ADIPOR1: variants seen among roughly 807,000 people sequenced by gnomAD.
ADIPOR1 encodes the protein adiponectin receptor protein 1.
A neutral mutation model predicts 37.5 loss-of-function variants in ADIPOR1; 15 were observed. That is an observed-to-expected ratio of 0.40 (90% confidence interval 0.27 to 0.62). The LOEUF (loss-of-function observed/expected upper bound fraction) is 0.62, where lower values mean the gene tolerates loss of function less well. Among genes scored for constraint, ADIPOR1 ranks in the 20% least tolerant of loss-of-function variants. The pLI, the probability that ADIPOR1 is intolerant of heterozygous loss-of-function variation, is 0.42. For missense variants in ADIPOR1, 286 were observed against 478.0 expected (o/e 0.60, Z 3.75); for synonymous variants, 173 against 173.2 (o/e 1.00, Z 0.01).
chr1:202,946,301 G>A (rs916245165), intron 4 of ADIPOR1, 138 bp downstream of exon 4: 13 of 1,026,314 alleles, frequency 1.3e-5, no homozygotes, highest in African/African-American at 1.1e-4. Flanking sequence ...GTCAACCAAG[G>A]TTATTAGCTT....
At chr1:202,949,898 C>G (rs1654497361) in intron 2 of ADIPOR1, among the ~76,000 whole-genome samples, 1 of 152,166 alleles carries the variant, frequency 6.6e-6, no homozygotes, top group Non-Finnish European at 1.5e-5. Flanking sequence ...TCCACTGCAG[C>G]TGAATATAGT....
At chr1:202,955,007 TATAG>T (rs917684891) in intron 1 of ADIPOR1, among the ~76,000 whole-genome samples, 1 of 152,134 alleles carries the variant, frequency 6.6e-6, no homozygotes, top group Non-Finnish European at 1.5e-5. Flanking sequence ...AGTCTAGCAG[TATAG>T]ATAAAGAATA....
At chr1:202,949,593 A>AAAAACAAAAAC (rs1654483219) in intron 2 of ADIPOR1, among the ~76,000 whole-genome samples, 3 of 138,334 alleles carry the variant, frequency 2.2e-5, no homozygotes, top group East Asian at 2.4e-4. Flanking sequence ...AAAAAAAAAA[A>AAAAACAAAAAC]AAAACACACC....
chr1:202,957,306 G>T (rs182375403), intron 1 of ADIPOR1, among the ~76,000 whole-genome samples: 1 of 152,086 alleles, frequency 6.6e-6, no homozygotes, highest in Admixed American at 6.5e-5. Flanking sequence ...TGTATTCTCC[G>T]CTGTATTTTC....
chr1:202,941,460 CT>C lies in ADIPOR1; in HGVS notation c.*112del, dbSNP rs375885393. 1,145 of 1,377,714 alleles carry C rather than the reference CT, an allele frequency of 8.3e-4. 19 individuals carry two copies. The South Asian group carries it at 0.015, about 18-fold the overall frequency. 85.3% of individuals were successfully genotyped at this position (1,377,714 alleles called of 1,614,324 possible). A position where few individuals can be genotyped will look rare whatever the true frequency, so the allele number is the denominator to read the frequency against. On this transcript the variant is annotated 3_prime_UTR_variant, in exon 8 of 8. Transcript: ENST00000340990. ...TGAAGCTTGGTTGGTACTGAATTCT[CT>C]AAGAGGTTTCTTCTAGAAACAGACA...
At chr1:202,952,295 A>G (rs916105527) in intron 1 of ADIPOR1, among the ~76,000 whole-genome samples, 2 of 152,198 alleles carry the variant, frequency 1.3e-5, no homozygotes, top group Non-Finnish European at 2.9e-5. Context: ...ATTGCAATGC[A>G]GGGAGGGCCA....
chr1:202,957,352 T>C (rs1450961097), intron 1 of ADIPOR1, among the ~76,000 whole-genome samples: 3 of 152,154 alleles, frequency 2.0e-5, no homozygotes, highest in Non-Finnish European at 4.4e-5. Flanking sequence ...GGAAGTACTA[T>C]GGTTAATCTA....
chr1:202,942,339 T>C, intron 6 of ADIPOR1, 121 bp from the exon 7 acceptor site: 2 of 916,966 alleles, frequency 2.2e-6, no homozygotes, highest in South Asian at 2.1e-5. Flanking sequence ...GAATAGTACA[T>C]GTTTAGGAAA....
Position 202,948,376 on chromosome 1 carries a change from C to T in ADIPOR1, c.186G>A (p.Glu62=), listed in dbSNP as rs959682948. The part of the protein sequence containing the change: ...QTCPVPQEEE[E]EVRVLTLPLQ... ...GGGGAAGTGTCAGTACCCGCACCTC[C>T]TCCTCTTCTTCCTGGGGCACTGGGC... Residue 62 remains glutamate, a synonymous_variant, in exon 3 of 8, where the codon GAG becomes GAA. Transcript: ENST00000340990. 5.5e-5 allele frequency: 88 copies of T among 1,614,020 alleles called. No homozygotes were observed. Among genetic ancestry groups the T allele is most frequent in the Non-Finnish European group, 6.6e-5 (78 of 1,179,972 alleles).
chr1:202,956,472 C>T (rs1028702906), intron 1 of ADIPOR1, among the ~76,000 whole-genome samples: 2 of 152,046 alleles, frequency 1.3e-5, no homozygotes, highest in Non-Finnish European at 2.9e-5. Context: ...AGAGACAAGG[C>T]AAAGAGGAGT....
chr1:202,943,703 C>T (rs769555479), intron 6 of ADIPOR1, 55 bp downstream of exon 6: 1 of 1,556,488 alleles, frequency 6.4e-7, no homozygotes, highest in East Asian at 2.3e-5. Flanking sequence ...AGGTTTGAGC[C>T]TATCAGGCCT....
intron 1 of ADIPOR1, among the ~76,000 whole-genome samples, chr1:202,955,938 G>C (rs1654766430): frequency 6.6e-6 from 1 of 152,184 alleles, no homozygotes; most frequent in Admixed American, 6.5e-5. Context: ...ACCACATCCG[G>C]ATAATTTTTG....
chr1:202,949,911 TGTAA>T (rs1654498001), intron 2 of ADIPOR1, among the ~76,000 whole-genome samples: 1 of 152,186 alleles, frequency 6.6e-6, no homozygotes, highest in Non-Finnish European at 1.5e-5. Context: ...AATATAGTTA[TGTAA>T]GTAAGTTCTG....
intron 1 of ADIPOR1, among the ~76,000 whole-genome samples, chr1:202,957,636 C>G (rs1225339016): frequency 6.6e-6 from 1 of 152,152 alleles, no homozygotes; most frequent in Non-Finnish European, 1.5e-5. Flanking sequence ...TTACCTTAAC[C>G]CTGCAGAGCG....
chr1:202,954,643 C>T (rs1654707308), intron 1 of ADIPOR1, among the ~76,000 whole-genome samples: 1 of 152,176 alleles, frequency 6.6e-6, no homozygotes, highest in Non-Finnish European at 1.5e-5. Context: ...ATTTCTTCAA[C>T]TCAAGCTAAT....
chr1:202,941,696 C>T lies in ADIPOR1; in HGVS notation c.1005G>A (p.Gln335=). The change falls in exon 8 of 8, where the codon CAG becomes CAA. Residue 335 remains glutamine, a synonymous_variant. Transcript: ENST00000340990. ...FFPGKFDIWF[Q]SHQIFHVLVV... ...CCAGGACATGGAAAATCTGATGAGA[C>T]TGGAACTGTAGGAATAAAAAGAAAA... is the stretch of plus-strand genomic sequence containing the variant. The T allele has an allele frequency of 6.2e-7, 1 of 1,612,614 alleles. No individual in the cohort carries two copies. The highest frequency in any genetic ancestry group is 2.2e-5 in the East Asian group (1 of 44,868).
intron 5 of ADIPOR1, 145 bp from the exon 6 acceptor site, chr1:202,944,090 A>G (rs368393127): frequency 2.9e-6 from 2 of 689,644 alleles, no homozygotes; most frequent in Non-Finnish European, 4.7e-6. Flanking sequence ...CATACAATCT[A>G]TCCTGTATTC....
intron 2 of ADIPOR1, among the ~76,000 whole-genome samples, chr1:202,949,185 TG>T (rs945765983): frequency 1.8e-4 from 27 of 152,098 alleles, no homozygotes; most frequent in Admixed American, 1.5e-3. Context: ...CTAGGGATGC[TG>T]TCATGATTGA....
intron 1 of ADIPOR1, among the ~76,000 whole-genome samples, chr1:202,952,218 C>G (rs919563906): frequency 6.6e-6 from 1 of 152,164 alleles, no homozygotes; most frequent in Non-Finnish European, 1.5e-5. Flanking sequence ...ATAGCAATAG[C>G]AGTAGCCAGA....
Sources: allele counts gnomAD v4.1 joint callset (sites outside exome capture counted in the v4.1 genomes callset), GRCh38; gene constraint gnomAD v4.1.1; transcripts MANE v1.5; gene names NCBI Gene and HGNC (gene_info 2026-07-23, HGNC 2026-07-21).